GSTCD: variants seen among roughly 807,000 people sequenced by gnomAD.
GSTCD encodes glutathione S-transferase C-terminal domain containing.
In GSTCD, 44 loss-of-function variants were observed where a neutral mutation model predicts 68.3. That is an observed-to-expected ratio of 0.64 (90% CI 0.51 to 0.83). GSTCD has a LOEUF of 0.83. Among genes scored for constraint, GSTCD ranks in the 40% least tolerant of loss-of-function variants. The probability of loss-of-function intolerance (pLI) is 0.00; values close to 1 mark genes in which losing one functional copy is unlikely to be tolerated. For synonymous variants in GSTCD, 273 were observed against 255.2 expected, an observed-to-expected ratio of 1.07 and a Z score of -0.67; for missense variants, 739 against 735.9, an observed-to-expected ratio of 1.00 and a Z score of -0.05.
At chr4:105,815,014 A>G (rs1722916333) in intron 5 of GSTCD, 1 of 152,206 alleles carries the variant, frequency 6.6e-6, no homozygotes, top group Admixed American at 6.5e-5. Context: ...TTGTCATAGT[A>G]TTGAGCACTA....
intron 5 of GSTCD, among the ~76,000 whole-genome samples, chr4:105,752,075 A>G (rs796086039): frequency 3.3e-5 from 5 of 152,258 alleles, no homozygotes; most frequent in African/African-American, 1.2e-4. Context: ...TTTAGCTAGG[A>G]CAGCTTTGGT....
At chr4:105,797,514 T>TA (rs371893556) in intron 5 of GSTCD, among the ~76,000 whole-genome samples, 337 of 149,122 alleles carry the variant, frequency 2.3e-3, no homozygotes, top group South Asian at 4.0e-3. Context: ...ACTTTATTGC[T>TA]AAAAAAAAAA....
chr4:105,782,845 A>G (rs1735332443), intron 5 of GSTCD, among the ~76,000 whole-genome samples: 1 of 152,198 alleles, frequency 6.6e-6, no homozygotes. Flanking sequence ...CTTAATTCAT[A>G]TGTAGATAGT....
At chr4:105,834,436 G>A (rs772083699) in intron 8 of GSTCD, 25 bp from the exon 9 acceptor site, 1 of 1,610,326 alleles carries the variant, frequency 6.2e-7, no homozygotes, top group Non-Finnish European at 8.5e-7. Flanking sequence ...GGAACTTAGT[G>A]CTAAGGCCTG....
chr4:105,711,996 C>T (rs1367929216), intron 1 of GSTCD, among the ~76,000 whole-genome samples: 1 of 152,048 alleles, frequency 6.6e-6, no homozygotes, highest in African/African-American at 2.4e-5. Flanking sequence ...TTAGTTGGTC[C>T]TTAAAATAGA....
intron 5 of GSTCD, among the ~76,000 whole-genome samples, chr4:105,813,527 C>G (rs6841297): frequency 0.029 from 4,406 of 152,198 alleles, 189 homozygotes; most frequent in African/African-American, 0.092. Context: ...AGACCCATCC[C>G]CAAGATATCT....
intron 5 of GSTCD, among the ~76,000 whole-genome samples, chr4:105,731,566 C>T (rs1229075031): frequency 2.6e-5 from 4 of 152,134 alleles, no homozygotes; most frequent in African/African-American, 4.8e-5. Context: ...GTGATTTTTG[C>T]ACATTGATTT....
chr4:105,772,534 A>G (rs1422578932), intron 5 of GSTCD, among the ~76,000 whole-genome samples: 1 of 152,192 alleles, frequency 6.6e-6, no homozygotes, highest in East Asian at 1.9e-4. Context: ...GTGTTCCATC[A>G]GTACCTAATT....
chr4:105,776,229 G>C (rs1735055286), intron 5 of GSTCD, among the ~76,000 whole-genome samples: 1 of 152,204 alleles, frequency 6.6e-6, no homozygotes, highest in East Asian at 1.9e-4. Flanking sequence ...AGACTGCTGT[G>C]CTGGCAGCGA....
At chr4:105,824,851 A>G (rs1016913607) in intron 7 of GSTCD, among the ~76,000 whole-genome samples, 3 of 152,092 alleles carry the variant, frequency 2.0e-5, no homozygotes, top group South Asian at 2.1e-4. Flanking sequence ...TCAGTTCTTC[A>G]AACATGCCAT....
chr4:105,745,407 A>G (rs913087172), intron 5 of GSTCD, among the ~76,000 whole-genome samples: 1 of 152,244 alleles, frequency 6.6e-6, no homozygotes, highest in African/African-American at 2.4e-5. Context: ...AATACTCAGT[A>G]GTAGGATAGT....
intron 5 of GSTCD, among the ~76,000 whole-genome samples, chr4:105,789,033 T>G (rs1735567301): frequency 6.6e-6 from 1 of 152,122 alleles, no homozygotes; most frequent in Admixed American, 6.5e-5. Flanking sequence ...GACCAAATCT[T>G]GAACCTTATT....
chr4:105,788,621 G>C (rs1735551164), intron 5 of GSTCD, among the ~76,000 whole-genome samples: 1 of 152,016 alleles, frequency 6.6e-6, no homozygotes, highest in Non-Finnish European at 1.5e-5. Flanking sequence ...AAAAAAAGTA[G>C]TAGTTTCCTT....
At position 105,718,134 on chromosome 4, in the gene GSTCD, A is replaced by T. The variant is rs146100988; in HGVS notation, c.426+95A>T. The T allele has an allele frequency of 3.1e-4, 315 of 1,018,912 alleles. No individual in the cohort carries two copies. In the African/African-American group the frequency reaches 4.6e-3, roughly 15 times the overall value. The allele number at this position is 1,018,912 out of a possible 1,614,324, so 63.1% of individuals were successfully genotyped here. On this transcript the variant is annotated intron_variant, in intron 2 of 11. Transcript: ENST00000515279. ...ATTTTAACTTCCTATTAGGAATAAA[A>T]GTTTATTTATTTTAAAAAACCCCAG...
chr4:105,749,398 A>C (rs1383145621), intron 5 of GSTCD, among the ~76,000 whole-genome samples: 2 of 151,986 alleles, frequency 1.3e-5, no homozygotes, highest in Non-Finnish European at 2.9e-5. Context: ...TATGGAAAAA[A>C]AAATTTGAAA....
chr4:105,739,359 T>C (rs1733559613), intron 5 of GSTCD, among the ~76,000 whole-genome samples: 1 of 152,198 alleles, frequency 6.6e-6, no homozygotes, highest in South Asian at 2.1e-4. Flanking sequence ...TGTATCATGG[T>C]AGTGCTAGCC....
chr4:105,813,660 G>A (rs561088808), intron 5 of GSTCD, among the ~76,000 whole-genome samples: 7 of 152,112 alleles, frequency 4.6e-5, no homozygotes, highest in Non-Finnish European at 1.0e-4. Context: ...ATGCACAATT[G>A]TAATGATCTC....
chr4:105,769,988 A>C (rs778840149), intron 5 of GSTCD, among the ~76,000 whole-genome samples: 8 of 152,172 alleles, frequency 5.3e-5, no homozygotes, highest in Non-Finnish European at 7.4e-5. Context: ...CCAATTCCTG[A>C]GTTTAAGCAA....
chr4:105,796,929 C>T (rs1013745015), intron 5 of GSTCD, among the ~76,000 whole-genome samples: 1 of 152,060 alleles, frequency 6.6e-6, no homozygotes, highest in South Asian at 2.1e-4. Context: ...CCAAGAAGTT[C>T]CTGCAGTCAC....
Sources: allele counts gnomAD v4.1 joint callset (sites outside exome capture counted in the v4.1 genomes callset), GRCh38; gene constraint gnomAD v4.1.1; transcripts MANE v1.5; gene names NCBI Gene and HGNC (gene_info 2026-07-23, HGNC 2026-07-21).